The following ZC3H15 variants were observed in gnomAD, a reference collection of about 807,000 sequenced individuals.
ZC3H15 encodes zinc finger CCCH domain-containing protein 15.
In ZC3H15, 15 loss-of-function variants were observed where a neutral mutation model predicts 51.2. That is an observed-to-expected ratio of 0.29 (90% confidence interval 0.20 to 0.45). The LOEUF (loss-of-function observed/expected upper bound fraction) is 0.45. ZC3H15 is among the 20% of genes least tolerant of loss of function. The pLI, the probability that ZC3H15 is intolerant of heterozygous loss-of-function variation, is 1.00. For synonymous variants in ZC3H15, 144 were observed against 162.8 expected, an observed-to-expected ratio of 0.88 and a Z score of 0.88; for missense variants, 381 against 494.7, an observed-to-expected ratio of 0.77 and a Z score of 2.18.
At chr2:186,497,393 T>C (rs1352694280) in intron 2 of ZC3H15, among the ~76,000 whole-genome samples, 1 of 152,156 alleles carries the variant, frequency 6.6e-6, no homozygotes, top group Non-Finnish European at 1.5e-5. Flanking sequence ...AATAGCCCGG[T>C]TTAATAAAAA....
intron 9 of ZC3H15, among the ~76,000 whole-genome samples, chr2:186,508,048 C>G (rs1471738438): frequency 6.6e-6 from 1 of 151,972 alleles, no homozygotes; most frequent in Non-Finnish European, 1.5e-5. Flanking sequence ...AGCTGTATAG[C>G]ACTATGTTTT....
In ZC3H15 at chr2:186,486,436, A is replaced by G; in HGVS notation, c.54A>G (p.Lys18=). ...QAGGSKKAEQ[K]KKEKIIEDKT... ...GGGGCAGCAAAAAGGCGGAGCAAAA[A>G]AAGAAGGAGAAGATTATCGAAGTGA... Residue 18 remains lysine (K), a synonymous_variant, in exon 1 of 10, where the codon AAA becomes AAG. Coordinates refer to ENST00000337859, the MANE Select transcript of ZC3H15 (RefSeq NM_018471.3). 1 of 1,569,280 alleles carries G rather than the reference A, an allele frequency of 6.4e-7. No homozygotes were observed. Among genetic ancestry groups the G allele is most frequent in the African/African-American group, 1.4e-5 (1 of 74,066 alleles).
At chr2:186,487,162 C>T (rs1342682148) in intron 1 of ZC3H15, 1 of 151,988 alleles carries the variant, frequency 6.6e-6, no homozygotes, top group Non-Finnish European at 1.5e-5. Flanking sequence ...ATGTATACAT[C>T]TATGTGTGTG....
intron 2 of ZC3H15, among the ~76,000 whole-genome samples, chr2:186,499,218 C>G (rs1685337138): frequency 6.6e-6 from 1 of 152,172 alleles, no homozygotes; most frequent in South Asian, 2.1e-4. Flanking sequence ...TGCCTTTATT[C>G]TTGGATTCCC....
chr2:186,486,881 C>G (rs1042686036), intron 1 of ZC3H15: 1 of 169,878 alleles, frequency 5.9e-6, no homozygotes, highest in African/African-American at 2.4e-5. Flanking sequence ...TTTCTTTACC[C>G]GTCACCCAGG....
chr2:186,500,402 T>G, intron 3 of ZC3H15, 109 bp downstream of exon 3: 1 of 967,086 alleles, frequency 1.0e-6, no homozygotes, highest in Non-Finnish European at 1.5e-6. Context: ...TATGTCTGAA[T>G]GAAAATGTTA....
Position 186,492,253 on chromosome 2 carries a change from A to G in ZC3H15, c.76-2980A>G, listed in dbSNP as rs545113470. ...CCTCCCGTGAGAGCTCACTTTTTGT[A>G]AAGGAAAAGTATGGCATTTTATACT... On this transcript the variant is annotated intron_variant, in intron 1 of 9. Transcript: ENST00000337859. Among the ~76,000 whole-genome samples, 41 of 152,284 alleles carry G rather than the reference A, an allele frequency of 2.7e-4. 1 individual carries two copies. Among genetic ancestry groups the G allele is most frequent in the African/African-American group, 9.6e-4 (40 of 41,564 alleles).
At chr2:186,486,499 G>A (rs1685096324) in intron 1 of ZC3H15, 42 bp downstream of exon 1, 1 of 1,513,906 alleles carries the variant, frequency 6.6e-7, no homozygotes, top group Non-Finnish European at 8.9e-7. Flanking sequence ...CGAGCCCTCC[G>A]GAAAGCCACT....
chr2:186,508,063 T>G lies in ZC3H15; in HGVS notation c.1091-480T>G, dbSNP rs372009211. Among the ~76,000 whole-genome samples the G allele has an allele frequency of 7.9e-5, 12 of 152,330 alleles. No individual in the cohort carries two copies. The East Asian group carries it at 1.5e-3, about 20-fold the overall frequency. The stretch of plus-strand genomic sequence containing the variant: ...AGCTGTATAGCACTATGTTTTTTTT[T>G]AACAATTTGATTACATGATGAAGAT... On this transcript the variant is annotated intron_variant, in intron 9 of 9. Coordinates refer to ENST00000337859, the MANE Select transcript of ZC3H15 (RefSeq NM_018471.3).
In ZC3H15 at chr2:186,509,257, T is replaced by A. The variant is rs1384677369; in HGVS notation, c.*524T>A. Reference sequence around the variant, plus strand: ...CATTTAAAATGGAACTTCTTTTATCTGACAGGATCAGCTACAATGCCCTGT... The same window carrying A: ...CATTTAAAATGGAACTTCTTTTATCAGACAGGATCAGCTACAATGCCCTGT... On this transcript the variant is annotated 3_prime_UTR_variant, in exon 10 of 10. Coordinates refer to ENST00000337859, the MANE Select transcript of ZC3H15 (RefSeq NM_018471.3). The A allele has an allele frequency of 4.8e-6, 1 of 207,422 alleles. No individual in the cohort carries two copies. The highest frequency in any genetic ancestry group is 9.9e-6 in the Non-Finnish European group (1 of 101,072). The allele number at this position is 207,422 out of a possible 1,614,324, so 12.8% of individuals were successfully genotyped here.
chr2:186,500,140 G>A (rs1420817245), intron 2 of ZC3H15, 42 bp from the exon 3 acceptor site: 2 of 1,547,732 alleles, frequency 1.3e-6, no homozygotes, highest in Non-Finnish European at 1.7e-6. Context: ...AAACAATTTT[G>A]TAAACAATCA....
chr2:186,486,321 G>A lies in ZC3H15; in HGVS notation c.-62G>A. ...GGTCTTCCTCCTCGTCCTGCCGCAG[G>A]GCCAGAACCCCTGACGGTATTCAGC... is the stretch of plus-strand genomic sequence containing the variant. On this transcript the variant is annotated 5_prime_UTR_variant, in exon 1 of 10. Transcript: ENST00000337859. 6.9e-7 allele frequency: 1 copy of A among 1,449,840 alleles called. No individual in the cohort carries two copies. The highest frequency in any genetic ancestry group is 2.7e-5 in the East Asian group (1 of 37,380). The allele number at this position is 1,449,840 out of a possible 1,614,324, so 89.8% of individuals were successfully genotyped here. A position where few individuals can be genotyped will look rare whatever the true frequency, so the allele number is the denominator to read the frequency against.
In ZC3H15 at chr2:186,486,262, C is replaced by T. The variant is rs1379060651; in HGVS notation, c.-121C>T. ...CCGCGTTTGCGGGGCCAATGAGCGA[C>T]TCGCTTTCCGTGCGGTGCGGCGAGT... On this transcript the variant is annotated 5_prime_UTR_variant, in exon 1 of 10. Transcript: ENST00000337859. The T allele has an allele frequency of 2.4e-5, 29 of 1,185,420 alleles. No homozygotes were observed. Among genetic ancestry groups the T allele is most frequent in the Non-Finnish European group, 3.2e-5 (28 of 881,948 alleles). The allele number at this position is 1,185,420 out of a possible 1,614,324, so 73.4% of individuals were successfully genotyped here. A position where few individuals can be genotyped will look rare whatever the true frequency, so the allele number is the denominator to read the frequency against.
chr2:186,489,589 T>C (rs559246740), intron 1 of ZC3H15, among the ~76,000 whole-genome samples: 8 of 152,226 alleles, frequency 5.3e-5, no homozygotes, highest in Admixed American at 1.3e-4. Context: ...AATAGTTAAC[T>C]AAAACATGTA....
In ZC3H15 at chr2:186,509,249, CT is replaced by C. The variant is rs71658012; in HGVS notation, c.*520del. On this transcript the variant is annotated 3_prime_UTR_variant, in exon 10 of 10. Transcript: ENST00000337859. ...TAGATGGACATTTAAAATGGAACTT[CT>C]TTTATCTGACAGGATCAGCTACAAT... 0.27 allele frequency: 55,636 copies of C among 208,392 alleles called. 7,951 individuals are homozygous for C. The highest frequency in any genetic ancestry group is 0.3 in the Non-Finnish European group (30,453 of 101,422). 12.9% of individuals were successfully genotyped at this position (208,392 alleles called of 1,614,324 possible).
At position 186,505,469 on chromosome 2, in the gene ZC3H15, A is replaced by T; in HGVS notation, c.736A>T (p.Asn246Tyr). 1 of 1,570,484 alleles carries T rather than the reference A, an allele frequency of 6.4e-7. No individual in the cohort carries two copies. Among genetic ancestry groups the T allele is most frequent in the Non-Finnish European group, 8.6e-7 (1 of 1,164,472 alleles). ...ATTGCAGCGTTCTGCCCTAGGTCCA[A>T]ATGTTACCAAAATCACTCTAGAATC... ...IERERSALGP[N>Y]VTKITLESFL... Residue 246 changes from asparagine (N) to tyrosine (Y), a missense_variant, in exon 7 of 10, where the codon AAT (asparagine) becomes TAT (tyrosine). Transcript: ENST00000337859.
intron 1 of ZC3H15, among the ~76,000 whole-genome samples, chr2:186,491,068 T>C (rs1685190200): frequency 1.3e-5 from 2 of 152,200 alleles, no homozygotes; most frequent in South Asian, 4.1e-4. Context: ...CTTTTTGAAC[T>C]TCTCCAAATT....
chr2:186,499,122 G>C (rs1685335454), intron 2 of ZC3H15, among the ~76,000 whole-genome samples: 1 of 152,114 alleles, frequency 6.6e-6, no homozygotes, highest in South Asian at 2.1e-4. Flanking sequence ...AGTCCTATCA[G>C]CTCTGTCTCC....
At chr2:186,489,343 T>C (rs762650548) in intron 1 of ZC3H15, among the ~76,000 whole-genome samples, 12 of 152,252 alleles carry the variant, frequency 7.9e-5, no homozygotes, top group Non-Finnish European at 1.8e-4. Flanking sequence ...GGAAATGATA[T>C]AGTCTGCTTC....
Sources: gnomAD v4.1 joint callset for allele counts (sites outside exome capture counted in the v4.1 genomes callset) on GRCh38, gnomAD v4.1.1 for gene constraint, MANE v1.5 for transcripts, NCBI Gene and HGNC (gene_info 2026-07-23, HGNC 2026-07-21) for gene names.